Variants in GAS2 observed in about 807,000 individuals in gnomAD.
The protein encoded by GAS2 is growth arrest specific 2, also known as growth arrest-specific protein 2.
A neutral mutation model predicts 37.5 loss-of-function variants in GAS2; 20 were observed. The ratio of observed to expected loss-of-function variants is 0.53; its 90% confidence interval spans 0.37 to 0.77. GAS2 has a LOEUF of 0.77. Ranked by LOEUF, GAS2 falls within the 30% of genes least tolerant of loss-of-function variation. The pLI is 0.00. For synonymous variants in GAS2, 144 were observed against 132.2 expected, an observed-to-expected ratio of 1.09 and a Z score of -0.61; for missense variants, 336 against 373.4, an observed-to-expected ratio of 0.90 and a Z score of 0.82.
At chr11:22,638,427 C>G (rs1036088011) in intron 1 of GAS2, among the ~76,000 whole-genome samples, 3 of 151,442 alleles carry the variant, frequency 2.0e-5, no homozygotes, top group Non-Finnish European at 4.4e-5. Flanking sequence ...CTCACTGCAG[C>G]CTTTGTCTCC....
chr11:22,777,140 G>C (rs945897063), intron 7 of GAS2, among the ~76,000 whole-genome samples: 21 of 152,174 alleles, frequency 1.4e-4, no homozygotes, highest in Non-Finnish European at 2.9e-4. Context: ...TCTAAGATTT[G>C]TAAGACGAGT....
intron 1 of GAS2, among the ~76,000 whole-genome samples, chr11:22,668,644 C>A (rs1025062004): frequency 1.3e-5 from 2 of 152,098 alleles, no homozygotes; most frequent in Non-Finnish European, 2.9e-5. Context: ...CTCAAACTTT[C>A]GAGTATGGTG....
At chr11:22,641,228 GTATATATATA>G (rs1218880598) in intron 1 of GAS2, among the ~76,000 whole-genome samples, 1 of 139,968 alleles carries the variant, frequency 7.1e-6, no homozygotes, top group African/African-American at 2.6e-5. Context: ...ATGTGTGTGT[GTATATATATA>G]TGTGTATATA....
At chr11:22,682,974 G>T (rs557733642) in intron 2 of GAS2, among the ~76,000 whole-genome samples, 1 of 151,036 alleles carries the variant, frequency 6.6e-6, no homozygotes, top group East Asian at 1.9e-4. Context: ...TGTATTTTGG[G>T]CATGCTACTT....
chr11:22,686,408 G>T (rs1308757181), intron 3 of GAS2, among the ~76,000 whole-genome samples: 1 of 151,536 alleles, frequency 6.6e-6, no homozygotes, highest in East Asian at 1.9e-4. Context: ...AATGAAAAGA[G>T]ATATAAAAAA....
chr11:22,811,894 A>C lies in GAS2; in HGVS notation c.820A>C (p.Ile274Leu). The C allele has an allele frequency of 6.2e-7, 1 of 1,614,178 alleles. No individual in the cohort carries two copies. Among genetic ancestry groups the C allele is most frequent in the Non-Finnish European group, 8.5e-7 (1 of 1,180,020 alleles). The change falls in exon 8 of 8, where the codon ATC (isoleucine) becomes CTC (leucine). Residue 274 changes from isoleucine (I) to leucine (L), a missense_variant. Coordinates refer to ENST00000454584, the MANE Select transcript of GAS2 (RefSeq NM_001143830.3). ...ACACGACCCCTGCCGAATGCTGCAG[A>C]TCTCCCGTGTGGATGGCAAAACATC... ...LKHDPCRMLQ[I>L]SRVDGKTSPI...
intron 7 of GAS2, among the ~76,000 whole-genome samples, chr11:22,763,660 C>T (rs1262440330): frequency 2.1e-5 from 3 of 141,574 alleles, no homozygotes; most frequent in Non-Finnish European, 3.1e-5. Flanking sequence ...CACACACACA[C>T]GTCATCTAAT....
At chr11:22,713,278 A>G (rs192066617) in intron 3 of GAS2, among the ~76,000 whole-genome samples, 118 of 151,852 alleles carry the variant, frequency 7.8e-4, no homozygotes, top group African/African-American at 2.7e-3. Context: ...CTCAAAGAAG[A>G]CTTCTGAATT....
chr11:22,774,607 G>A (rs368039098), intron 7 of GAS2, among the ~76,000 whole-genome samples: 244 of 152,314 alleles, frequency 1.6e-3, no homozygotes, highest in African/African-American at 5.7e-3. Context: ...AAGTACTAAA[G>A]GCAGTATTTG....
intron 7 of GAS2, among the ~76,000 whole-genome samples, chr11:22,800,030 A>G (rs1856591970): frequency 6.6e-6 from 1 of 152,080 alleles, no homozygotes; most frequent in South Asian, 2.1e-4. Context: ...CACAATATCT[A>G]TGGAGTGAGT....
At chr11:22,723,871 A>G (rs192389852) in intron 3 of GAS2, among the ~76,000 whole-genome samples, 1 of 152,048 alleles carries the variant, frequency 6.6e-6, no homozygotes, top group East Asian at 1.9e-4. Context: ...TTTGGCTGAC[A>G]TAACTTGCCT....
chr11:22,630,794 A>G (rs951855742), intron 1 of GAS2, among the ~76,000 whole-genome samples: 1 of 152,116 alleles, frequency 6.6e-6, no homozygotes, highest in African/African-American at 2.4e-5. Context: ...TGATGCCTCT[A>G]GATTTGTTCT....
At chr11:22,733,760 T>TATGCTTTTCTTGAA (rs1852604770) in intron 4 of GAS2, among the ~76,000 whole-genome samples, 1 of 151,754 alleles carries the variant, frequency 6.6e-6, no homozygotes, top group Non-Finnish European at 1.5e-5. Flanking sequence ...TGTTTTACAT[T>TATGCTTTTCTTGAA]ATGCTTTTCT....
At chr11:22,697,793 T>G (rs2134004330) in intron 3 of GAS2, among the ~76,000 whole-genome samples, 1 of 152,340 alleles carries the variant, frequency 6.6e-6, no homozygotes, top group African/African-American at 2.4e-5. Context: ...TACATTGATT[T>G]TGTATCCTGA....
chr11:22,682,888 G>GAAAAAAAAAAAAAAAAAAAAGAAA (rs57025584), intron 2 of GAS2, among the ~76,000 whole-genome samples: 2 of 102,386 alleles, frequency 2.0e-5, no homozygotes, highest in Admixed American at 1.1e-4. Context: ...AAAAAAAAAG[G>GAAAAAAAAAAAAAAAAAAAAGAAA]AAAAAAAAAA....
At chr11:22,709,559 G>A (rs1027843615) in intron 3 of GAS2, among the ~76,000 whole-genome samples, 2 of 152,160 alleles carry the variant, frequency 1.3e-5, no homozygotes, top group Non-Finnish European at 2.9e-5. Flanking sequence ...TATTAGTGCA[G>A]TGAAGTTAGC....
intron 7 of GAS2, among the ~76,000 whole-genome samples, chr11:22,810,006 GT>G: frequency 2.0e-5 from 3 of 152,080 alleles, no homozygotes; most frequent in Non-Finnish European, 4.4e-5. Flanking sequence ...GTGTTCTAAG[GT>G]CCTTTTGTTA....
intron 3 of GAS2, among the ~76,000 whole-genome samples, chr11:22,697,949 G>C (rs1165276021): frequency 2.6e-5 from 4 of 151,922 alleles, no homozygotes; most frequent in South Asian, 2.1e-4. Context: ...CTTCTGCTGC[G>C]TAATTGCCCT....
rs1213742933 is a variant in GAS2 at position 22,812,461 on chromosome 11, A to AT, written c.*445_*446insT. ...TTTTTTTTTTTACAAAATGATGATT[A>AT]GTGTGATAATGTGCTGCAAAAAATA... On this transcript the variant is annotated 3_prime_UTR_variant, in exon 8 of 8. Coordinates refer to ENST00000454584, the MANE Select transcript of GAS2 (RefSeq NM_001143830.3). 6.7e-6 allele frequency: 1 copy of AT among 149,072 alleles called. No individual in the cohort carries two copies. The highest frequency in any genetic ancestry group is 2.8e-5 in the African/African-American group (1 of 36,258). The allele number at this position is 149,072 out of a possible 1,614,324, so 9.2% of individuals were successfully genotyped here.
Sources: allele counts gnomAD v4.1 joint callset (sites outside exome capture counted in the v4.1 genomes callset), GRCh38; gene constraint gnomAD v4.1.1; transcripts MANE v1.5; gene names NCBI Gene and HGNC (gene_info 2026-07-23, HGNC 2026-07-21).